The following N4BP2L2 variants were observed in gnomAD, a reference collection of about 807,000 sequenced individuals.
N4BP2L2 encodes NEDD4 binding protein 2 like 2.
In N4BP2L2, 50 loss-of-function variants were observed where a neutral mutation model predicts 56.2. The ratio of observed to expected loss-of-function variants is 0.89; its 90% CI spans 0.71 to 1.13. N4BP2L2 has a LOEUF of 1.13. N4BP2L2 is among the 50% of genes most tolerant of loss of function. N4BP2L2 has a pLI of 0.00. For synonymous variants in N4BP2L2, 203 were observed against 223.6 expected (o/e 0.91, Z 0.82); for missense variants, 689 against 693.8 (o/e 0.99, Z 0.08).
At chr13:32,526,799 C>T (rs556333647) in intron 3 of N4BP2L2, 3 of 133,672 alleles carry the variant, frequency 2.2e-5, no homozygotes, top group Non-Finnish European at 4.6e-5. Context: ...AAGGCTGAGG[C>T]CAGGCACACT....
chr13:32,448,499 T>C lies in N4BP2L2; in HGVS notation c.366-4373A>G, dbSNP rs571786073. Among the ~76,000 whole-genome samples, 9 of 152,216 alleles carry C rather than the reference T, an allele frequency of 5.9e-5. No individual in the cohort carries two copies. In the South Asian group the frequency reaches 1.5e-3, roughly 25 times the overall value. On this transcript the variant is annotated intron_variant, in intron 6 of 9. Coordinates refer to the N4BP2L2 transcript ENST00000357505. ...TGAACAAATGGTAACACATCTATGA[T>C]GAGTAAGATTTTGCTTTCTAGATGA... is the stretch of plus-strand genomic sequence containing the variant.
chr13:32,527,858 GC>G (rs1400429280), intron 2 of N4BP2L2, among the ~76,000 whole-genome samples: 20 of 147,914 alleles, frequency 1.4e-4, no homozygotes, highest in Non-Finnish European at 2.5e-4. Flanking sequence ...TGCAACCTCC[GC>G]CTCCCGGGTT....
chr13:32,500,655 C>A (rs2089818230), intron 6 of N4BP2L2, among the ~76,000 whole-genome samples: 1 of 150,742 alleles, frequency 6.6e-6, no homozygotes, highest in African/African-American at 2.4e-5. Context: ...GAGTCCAAGG[C>A]TGCAGTGAGC....
intron 6 of N4BP2L2, chr13:32,480,701 T>A: frequency 9.9e-7 from 1 of 1,009,154 alleles, no homozygotes; most frequent in Non-Finnish European, 1.3e-6. Context: ...ATAAACATCA[T>A]CTTGTTCAAA....
chr13:32,522,239 T>C (rs1334376013), exon 4 of N4BP2L2: 2 of 1,569,726 alleles, frequency 1.3e-6, no homozygotes, highest in Non-Finnish European at 1.7e-6. Context: ...CTATTATAAC[T>C]GGAGATCTTC....
chr13:32,499,005 A>G (rs2089424726), intron 6 of N4BP2L2, among the ~76,000 whole-genome samples: 2 of 151,534 alleles, frequency 1.3e-5, no homozygotes, highest in East Asian at 1.9e-4. Flanking sequence ...AAAAAAAAAA[A>G]AAAAAATTAA....
chr13:32,534,877 A>C (rs1359363757), intron 2 of N4BP2L2, among the ~76,000 whole-genome samples: 3 of 152,230 alleles, frequency 2.0e-5, no homozygotes, highest in African/African-American at 7.2e-5. Context: ...TGCTTTCTTT[A>C]CACTATTTTT....
intron 6 of N4BP2L2, among the ~76,000 whole-genome samples, chr13:32,496,131 C>T (rs191526713): frequency 7.9e-5 from 12 of 152,226 alleles, no homozygotes; most frequent in African/African-American, 2.6e-4. Context: ...CAGACTGGGC[C>T]ACCACACCAA....
intron 6 of N4BP2L2, among the ~76,000 whole-genome samples, chr13:32,469,342 G>A (rs1028842567): frequency 4.6e-5 from 7 of 152,200 alleles, no homozygotes; most frequent in African/African-American, 1.4e-4. Flanking sequence ...CCCTGTGAGT[G>A]TGGAGATGGA....
At chr13:32,507,460 G>A (rs993868550), downstream of N4BP2L2, 7 of 152,046 alleles carry the variant, frequency 4.6e-5, no homozygotes, top group Admixed American at 4.6e-4. Flanking sequence ...ACACAGCTGT[G>A]AACAAAATAA....
intron 9 of N4BP2L2, among the ~76,000 whole-genome samples, chr13:32,433,246 C>T (rs1488990993): frequency 6.6e-6 from 1 of 152,230 alleles, no homozygotes; most frequent in Non-Finnish European, 1.5e-5. Context: ...AATAAATGCA[C>T]TAATTCATGC....
In N4BP2L2 at chr13:32,501,590, G is replaced by A. The variant is rs557723428; in HGVS notation, c.365+16267C>T. 4.6e-5 allele frequency among the ~76,000 whole-genome samples: 7 copies of A among 152,110 alleles called. No homozygotes were observed. In the South Asian group the frequency reaches 6.2e-4, roughly 14 times the overall value. On this transcript the variant is annotated intron_variant, in intron 6 of 9. Coordinates refer to the N4BP2L2 transcript ENST00000357505. ...AGCACTTTGGGAGGCCGAGGCAGGC[G>A]GATCATGAGGTCAGGAGATCGAGAC...
At chr13:32,465,422 C>G (rs558608369) in intron 6 of N4BP2L2, among the ~76,000 whole-genome samples, 9 of 152,268 alleles carry the variant, frequency 5.9e-5, no homozygotes, top group African/African-American at 1.9e-4. Context: ...ATTTATAAAT[C>G]CATATTGATG....
intron 6 of N4BP2L2, among the ~76,000 whole-genome samples, chr13:32,470,606 G>A (rs2082119454): frequency 6.6e-6 from 1 of 152,350 alleles, no homozygotes; most frequent in East Asian, 1.9e-4. Context: ...TAGGGAAGCA[G>A]TTAGCAGCTA....
At chr13:32,480,382 C>G (rs977687894) in intron 6 of N4BP2L2, among the ~76,000 whole-genome samples, 5 of 152,118 alleles carry the variant, frequency 3.3e-5, no homozygotes, top group African/African-American at 1.2e-4. Flanking sequence ...GAAATCCAGG[C>G]AGAAGGAAAG....
chr13:32,499,950 C>A (rs1387434530), intron 6 of N4BP2L2, among the ~76,000 whole-genome samples: 3 of 152,238 alleles, frequency 2.0e-5, no homozygotes, highest in African/African-American at 7.2e-5. Flanking sequence ...TAACCTTACT[C>A]AGTTCCATTT....
intron 6 of N4BP2L2, chr13:32,477,737 C>T: frequency 1.9e-6 from 1 of 525,466 alleles, no homozygotes; most frequent in South Asian, 2.1e-5. Flanking sequence ...TTAGATGGAA[C>T]CTTGAGCCTA....
downstream of N4BP2L2, chr13:32,507,551 T>A (rs776782611): frequency 6.6e-6 from 1 of 151,988 alleles, no homozygotes; most frequent in Non-Finnish European, 1.5e-5. Flanking sequence ...AGTACTACAG[T>A]GAAAGTGACA....
At chr13:32,516,938 A>G in exon 6 of N4BP2L2, 1 of 982,150 alleles carries the variant, frequency 1.0e-6, no homozygotes, top group Non-Finnish European at 1.2e-6. Context: ...AACACATCTA[A>G]AAACTATCCA....
Sources: gnomAD v4.1 joint callset for allele counts (sites outside exome capture counted in the v4.1 genomes callset) on GRCh38, gnomAD v4.1.1 for gene constraint, MANE v1.5 for transcripts, NCBI Gene and HGNC (gene_info 2026-07-23, HGNC 2026-07-21) for gene names.